The following SLC1A1 variants were observed in gnomAD, a reference collection of about 807,000 sequenced individuals.
SLC1A1 encodes solute carrier family 1 member 1.
SLC1A1 carries 43 observed loss-of-function variants against 53.3 expected under a neutral mutation model. The observed-to-expected ratio is 0.81, with a 90% CI of 0.63 to 1.04. The LOEUF (loss-of-function observed/expected upper bound fraction) is 1.04, where lower values mean the gene tolerates loss of function less well. SLC1A1 is among the 50% of genes least tolerant of loss of function. The pLI, the probability that SLC1A1 is intolerant of heterozygous loss-of-function variation, is 0.00. For synonymous variants in SLC1A1, 307 were observed against 243.2 expected (o/e 1.26, Z -2.44); for missense variants, 748 against 664.9 (o/e 1.12, Z -1.37).
chr9:4,519,654 G>A (rs1815996602), intron 1 of SLC1A1, among the ~76,000 whole-genome samples: 1 of 152,312 alleles, frequency 6.6e-6, no homozygotes, highest in Admixed American at 6.5e-5. Context: ...TAATGCTCAG[G>A]ACAGCCATAT....
In SLC1A1 at chr9:4,576,737, G is replaced by C; in HGVS notation, c.1167G>C (p.Leu389Phe). 1 of 1,614,068 alleles carries C rather than the reference G, an allele frequency of 6.2e-7. No homozygotes were observed. Among genetic ancestry groups the C allele is most frequent in the Non-Finnish European group, 8.5e-7 (1 of 1,179,986 alleles). The change falls in exon 10 of 12, where the codon TTG becomes TTC. Residue 389 changes from leucine (L) to phenylalanine (F), a missense_variant. By Grantham distance (22) the Leu-to-Phe change is conservative. Coordinates refer to ENST00000262352, the MANE Select transcript of SLC1A1 (RefSeq NM_004170.6). ...TTGCACAGTTGAATGACCTGGACTT[G>C]GGCATTGGGCAGATCATCACCATCA... ...VFIAQLNDLD[L>F]GIGQIITISI...
At chr9:4,512,933 C>G (rs1236865608) in intron 1 of SLC1A1, among the ~76,000 whole-genome samples, 1 of 151,944 alleles carries the variant, frequency 6.6e-6, no homozygotes. Context: ...CCTGGCCCTC[C>G]AATTGATTTT....
chr9:4,493,852 G>C (rs559058358), intron 1 of SLC1A1, among the ~76,000 whole-genome samples: 1 of 152,182 alleles, frequency 6.6e-6, no homozygotes, highest in Admixed American at 6.5e-5. Flanking sequence ...TTATGAGCCA[G>C]CTTAAAGCCT....
intron 2 of SLC1A1, among the ~76,000 whole-genome samples, chr9:4,554,586 G>A (rs1049937961): frequency 6.6e-6 from 1 of 152,200 alleles, no homozygotes; most frequent in Non-Finnish European, 1.5e-5. Flanking sequence ...CTGTGCAAAG[G>A]CCTTGGGGTG....
chr9:4,564,490 G>C, intron 4 of SLC1A1, 32 bp downstream of exon 4: 1 of 1,303,142 alleles, frequency 7.7e-7, no homozygotes, highest in Non-Finnish European at 1.1e-6. Context: ...GGCTTCAAGG[G>C]CATGCGGATA....
At chr9:4,492,161 G>C (rs571778788) in intron 1 of SLC1A1, among the ~76,000 whole-genome samples, 4 of 150,722 alleles carry the variant, frequency 2.7e-5, no homozygotes, top group Admixed American at 1.3e-4. Context: ...TTTTTTTTTC[G>C]GTTTTGAACA....
chr9:4,571,815 C>CA (rs1203014263), intron 6 of SLC1A1, among the ~76,000 whole-genome samples: 2 of 152,062 alleles, frequency 1.3e-5, no homozygotes, highest in African/African-American at 4.8e-5. Context: ...GGTAAGTATT[C>CA]TGTACTTCCT....
At chr9:4,507,928 T>C (rs1820858324) in intron 1 of SLC1A1, among the ~76,000 whole-genome samples, 1 of 152,134 alleles carries the variant, frequency 6.6e-6, no homozygotes, top group South Asian at 2.1e-4. Context: ...TACAGGCATG[T>C]GAAACTGGCT....
intron 1 of SLC1A1, among the ~76,000 whole-genome samples, chr9:4,510,306 A>T (rs1209321300): frequency 6.6e-6 from 1 of 152,188 alleles, no homozygotes; most frequent in Non-Finnish European, 1.5e-5. Context: ...CCGTGCATCT[A>T]CCAGCCTTTC....
chr9:4,572,150 T>TCAA (rs1820116338), intron 6 of SLC1A1, 54 bp from the exon 7 acceptor site: 1 of 1,487,830 alleles, frequency 6.7e-7, no homozygotes, highest in African/African-American at 1.4e-5. Flanking sequence ...GACCTGTGCT[T>TCAA]TCTAACAAGA....
chr9:4,526,824 C>T (rs1816278888), intron 1 of SLC1A1, among the ~76,000 whole-genome samples: 1 of 151,966 alleles, frequency 6.6e-6, no homozygotes, highest in Non-Finnish European at 1.5e-5. Context: ...TCTGAGACGG[C>T]ACCCAAGATT....
At position 4,544,670 on chromosome 9, in the gene SLC1A1, C is replaced by T. The variant is rs114623304; in HGVS notation, c.195C>T (p.Leu65=). ...AAATTCTAATGCGGATGCTGAAACT[C>T]ATCATTTTGCCATTAATTATATCCA... ...PGEILMRMLK[L]IILPLIISSM... is the part of the protein sequence containing the mutation. Residue 65 remains leucine, a synonymous_variant, in exon 2 of 12, where the codon CTC becomes CTT. Coordinates refer to ENST00000262352, the MANE Select transcript of SLC1A1 (RefSeq NM_004170.6). 3 of 1,613,594 alleles carry T rather than the reference C, an allele frequency of 1.9e-6. No homozygotes were observed. The highest frequency in any genetic ancestry group is 2.5e-6 in the Non-Finnish European group (3 of 1,179,568).
chr9:4,585,308 C>A lies in SLC1A1; in HGVS notation c.1329-4C>A. 6.2e-7 allele frequency: 1 copy of A among 1,613,388 alleles called. No homozygotes were observed. The highest frequency in any genetic ancestry group is 1.3e-5 in the African/African-American group (1 of 75,036). ...CCTGTCTGACTCCTCCCGTCTCTCC[C>A]CAGGGACCGGTTCAGGACCATGGTC... is the stretch of plus-strand genomic sequence containing the variant. On this transcript the variant is annotated splice_region_variant and splice_polypyrimidine_tract_variant and intron_variant, in intron 11 of 11. Transcript: ENST00000262352.
rs146299656 is a variant in SLC1A1, at chr9:4,555,436, A to G, written c.233-6013A>G. The stretch of plus-strand genomic sequence containing the variant: ...TTGCCCTCAGATGTTTATTTTTAAA[A>G]CATGCTATTGTTTAGCCAGGCAACT... On this transcript the variant is annotated intron_variant, in intron 2 of 11. Transcript: ENST00000262352. Among the ~76,000 whole-genome samples the G allele has an allele frequency of 5.5e-3, 841 of 152,324 alleles. 6 individuals carry two copies. The highest frequency in any genetic ancestry group is 8.7e-3 in the Non-Finnish European group (595 of 68,030).
chr9:4,494,065 C>G (rs1820327583), intron 1 of SLC1A1, among the ~76,000 whole-genome samples: 1 of 152,202 alleles, frequency 6.6e-6, no homozygotes, highest in African/African-American at 2.4e-5. Context: ...AAAATAGTAT[C>G]TTGGATTTTC....
intron 1 of SLC1A1, among the ~76,000 whole-genome samples, chr9:4,539,983 G>A (rs117052167): frequency 0.031 from 4,653 of 152,294 alleles, 108 homozygotes; most frequent in Middle Eastern, 0.075. Flanking sequence ...TCTGAAGCCT[G>A]GACCCATGGC....
At chr9:4,498,453 G>C (rs1362660859) in intron 1 of SLC1A1, among the ~76,000 whole-genome samples, 1 of 151,952 alleles carries the variant, frequency 6.6e-6, no homozygotes, top group Non-Finnish European at 1.5e-5. Flanking sequence ...TAAAATAATA[G>C]TTTCTTCAAA....
chr9:4,525,709 G>T (rs1816234827), intron 1 of SLC1A1, among the ~76,000 whole-genome samples: 1 of 152,118 alleles, frequency 6.6e-6, no homozygotes, highest in Non-Finnish European at 1.5e-5. Flanking sequence ...TTCAGTGAAT[G>T]AATTAAACAT....
chr9:4,535,237 G>T (rs1816630524), intron 1 of SLC1A1, among the ~76,000 whole-genome samples: 1 of 152,070 alleles, frequency 6.6e-6, no homozygotes, highest in Non-Finnish European at 1.5e-5. Flanking sequence ...GAAATAAAGG[G>T]GATTCAATTA....
Sources: gnomAD v4.1 joint callset for allele counts (sites outside exome capture counted in the v4.1 genomes callset) on GRCh38, gnomAD v4.1.1 for gene constraint, MANE v1.5 for transcripts, NCBI Gene and HGNC (gene_info 2026-07-23, HGNC 2026-07-21) for gene names.